The following TENM4 variants were observed in gnomAD, a reference collection of about 807,000 sequenced individuals.
The protein encoded by TENM4 is teneurin-4.
In TENM4, 82 loss-of-function variants were observed where a neutral mutation model predicts 243.3. That is an observed-to-expected ratio of 0.34 (90% CI 0.28 to 0.40). The LOEUF (loss-of-function observed/expected upper bound fraction) is 0.40. Ranked by LOEUF, TENM4 falls within the 10% of genes least tolerant of loss-of-function variation. The pLI is 1.00. For missense variants in TENM4, 3,138 were observed against 3,673.3 expected (o/e 0.85, Z 3.77); for synonymous variants, 1,412 against 1,456.3 (o/e 0.97, Z 0.69).
At chr11:78,711,308 G>A (rs957103565) in intron 26 of TENM4, among the ~76,000 whole-genome samples, 24 of 152,140 alleles carry the variant, frequency 1.6e-4, no homozygotes, top group Admixed American at 5.2e-4. Flanking sequence ...TACCATGTGC[G>A]GGGTACTACT....
intron 6 of TENM4, among the ~76,000 whole-genome samples, chr11:78,978,788 A>C (rs1187129524): frequency 6.6e-6 from 1 of 152,214 alleles, no homozygotes; most frequent in Non-Finnish European, 1.5e-5. Flanking sequence ...GGTATTCACC[A>C]TTCAAAGCTC....
chr11:78,838,536 T>G (rs935673651), intron 12 of TENM4, among the ~76,000 whole-genome samples: 1 of 152,208 alleles, frequency 6.6e-6, no homozygotes, highest in African/African-American at 2.4e-5. Flanking sequence ...TTTTAAATAT[T>G]TACCTCTTTA....
At chr11:78,955,028 G>A in intron 6 of TENM4, among the ~76,000 whole-genome samples, 1 of 152,204 alleles carries the variant, frequency 6.6e-6, no homozygotes, top group East Asian at 1.9e-4. Flanking sequence ...GGCTTCTCCA[G>A]ATGAAGTTTG....
intron 1 of TENM4, among the ~76,000 whole-genome samples, chr11:79,385,796 G>A (rs78838299): frequency 0.029 from 4,363 of 152,180 alleles, 217 homozygotes; most frequent in African/African-American, 0.1. Flanking sequence ...CCTGTTGGCA[G>A]CACTTTTCCT....
At chr11:79,052,302 A>G (rs1256616149) in intron 6 of TENM4, among the ~76,000 whole-genome samples, 1 of 152,160 alleles carries the variant, frequency 6.6e-6, no homozygotes, top group African/African-American at 2.4e-5. Flanking sequence ...TTGACTTTTT[A>G]GTAATAGCCA....
intron 15 of TENM4, 99 bp from the exon 16 acceptor site, chr11:78,787,182 T>C (rs1373384062): frequency 1.5e-6 from 2 of 1,355,410 alleles, no homozygotes; most frequent in Non-Finnish European, 9.9e-7. Flanking sequence ...CAACAAGTAT[T>C]GAGCAAGTTA....
At chr11:79,066,989 T>C (rs1860277519) in intron 5 of TENM4, among the ~76,000 whole-genome samples, 1 of 152,214 alleles carries the variant, frequency 6.6e-6, no homozygotes, top group South Asian at 2.1e-4. Flanking sequence ...GCTTGGTAAA[T>C]AACTTGTGCC....
At chr11:79,084,194 T>C (rs1333964405) in intron 4 of TENM4, among the ~76,000 whole-genome samples, 2 of 152,132 alleles carry the variant, frequency 1.3e-5, no homozygotes, top group Non-Finnish European at 2.9e-5. Flanking sequence ...TCAGAATGAC[T>C]GAAATAAAAA....
chr11:79,391,233 C>T (rs1435237912), intron 1 of TENM4, among the ~76,000 whole-genome samples: 4 of 151,946 alleles, frequency 2.6e-5, no homozygotes, highest in South Asian at 2.1e-4. Context: ...TGAGCTATTG[C>T]TATTGTTTTA....
chr11:79,066,569 C>T (rs1407222406), intron 5 of TENM4, among the ~76,000 whole-genome samples: 1 of 152,192 alleles, frequency 6.6e-6, no homozygotes, highest in East Asian at 1.9e-4. Flanking sequence ...CACAGACGTG[C>T]ACGCGCACAC....
At chr11:79,207,557 C>G (rs1365613729) in intron 3 of TENM4, among the ~76,000 whole-genome samples, 1 of 152,082 alleles carries the variant, frequency 6.6e-6, no homozygotes, top group Non-Finnish European at 1.5e-5. Context: ...CTGTGATAAA[C>G]TCTTGGGAAA....
In TENM4 at chr11:78,672,225, C is replaced by G. The variant is rs1159503809; in HGVS notation, c.5601G>C (p.Gln1867His). ...GTGACCAGAGGCTGGGCCGCCCCGC[C>G]TGGTCGTACAGAATCCGAAGGGTGA... ...RKFTLRILYD[Q>H]AGRPSLWSPS... The change falls in exon 31 of 34, where the codon CAG becomes CAC. Residue 1867 changes from glutamine to histidine, a missense_variant. Transcript: ENST00000278550. 1 of 1,613,956 alleles carries G rather than the reference C, an allele frequency of 6.2e-7. No individual in the cohort carries two copies. Among genetic ancestry groups the G allele is most frequent in the Admixed American group, 1.7e-5 (1 of 60,016 alleles).
chr11:78,953,323 A>C (rs559258133), intron 6 of TENM4, among the ~76,000 whole-genome samples: 26 of 152,288 alleles, frequency 1.7e-4, no homozygotes, highest in African/African-American at 5.8e-4. Flanking sequence ...ATTAAAGATC[A>C]TGACTCCCAG....
intron 2 of TENM4, among the ~76,000 whole-genome samples, chr11:79,267,449 A>G (rs1018828841): frequency 6.6e-6 from 1 of 152,190 alleles, no homozygotes; most frequent in Non-Finnish European, 1.5e-5. Flanking sequence ...TTGGAAAGAT[A>G]AAGGTTGATG....
At chr11:79,303,834 G>A (rs774906999) in intron 1 of TENM4, among the ~76,000 whole-genome samples, 39 of 152,198 alleles carry the variant, frequency 2.6e-4, no homozygotes, top group Non-Finnish European at 4.4e-4. Context: ...ATAGGTCCCC[G>A]GGCAGCTAGG....
intron 4 of TENM4, among the ~76,000 whole-genome samples, chr11:79,137,061 C>A (rs993699726): frequency 6.6e-6 from 1 of 152,156 alleles, no homozygotes; most frequent in African/African-American, 2.4e-5. Context: ...GCACCACTCA[C>A]CATTACCCCT....
intron 6 of TENM4, among the ~76,000 whole-genome samples, chr11:78,968,312 T>C (rs1857477324): frequency 6.6e-6 from 1 of 152,086 alleles, no homozygotes; most frequent in Non-Finnish European, 1.5e-5. Flanking sequence ...TGAGATGGGG[T>C]CTTACTCTGT....
At chr11:79,425,366 T>A (rs958380524) in intron 1 of TENM4, among the ~76,000 whole-genome samples, 2 of 152,176 alleles carry the variant, frequency 1.3e-5, no homozygotes. Flanking sequence ...AGCTGTCTAA[T>A]CTCTTCTGGG....
At chr11:79,168,949 C>G (rs1051877230) in intron 3 of TENM4, among the ~76,000 whole-genome samples, 17 of 152,222 alleles carry the variant, frequency 1.1e-4, no homozygotes, top group African/African-American at 4.1e-4. Context: ...AGTCTACCCC[C>G]ACCCACGCCA....
Sources: gnomAD v4.1 joint callset for allele counts (sites outside exome capture counted in the v4.1 genomes callset) on GRCh38, gnomAD v4.1.1 for gene constraint, MANE v1.5 for transcripts, NCBI Gene and HGNC (gene_info 2026-07-23, HGNC 2026-07-21) for gene names.